CCNL1: variants seen among roughly 807,000 people sequenced by gnomAD.
CCNL1 encodes the protein cyclin L1.
Under a neutral mutation model 60.6 loss-of-function variants are expected in CCNL1, and 13 were observed. The ratio of observed to expected loss-of-function variants is 0.21; its 90% CI spans 0.14 to 0.34. The LOEUF is 0.34. Ranked by LOEUF, CCNL1 falls within the 10% of genes least tolerant of loss-of-function variation. The pLI, the probability that CCNL1 is intolerant of heterozygous loss-of-function variation, is 1.00. For missense variants in CCNL1, 481 were observed against 664.3 expected (o/e 0.72, Z 3.03); for synonymous variants, 270 against 244.3 (o/e 1.10, Z -0.98).
At chr3:157,146,441 T>G (rs1216879524), downstream of CCNL1, 1 of 416,428 alleles carries the variant, frequency 2.4e-6, no homozygotes, top group African/African-American at 2.1e-5. Context: ...CAACTCCCCA[T>G]CTTCACAAAC....
In CCNL1 at chr3:157,159,393, C is replaced by T. The variant is rs370606021; in HGVS notation, c.378+12G>A. ...TGAAGAAATCCCTTTTACCCGCCTCCGCTGTGCTTACCTCGAAACTGTGTT... is the reference window on the plus strand; with the variant it reads ...TGAAGAAATCCCTTTTACCCGCCTCTGCTGTGCTTACCTCGAAACTGTGTT... On this transcript the variant is annotated intron_variant, in intron 2 of 10. Transcript: ENST00000295926. 4.1e-5 allele frequency: 66 copies of T among 1,613,528 alleles called. No individual in the cohort carries two copies. The African/African-American group carries it at 7.2e-4, about 18-fold the overall frequency.
rs1440029244 is a variant in CCNL1 at position 157,147,815 on chromosome 3, G to A, written c.*426C>T. On this transcript the variant is annotated 3_prime_UTR_variant, in exon 11 of 11. Transcript: ENST00000295926. ...AAGCAGTTTAGAAAAAACAAGATTT[G>A]TATTTTATTTCCTTGTAAAAATCTT... The A allele has an allele frequency of 1.0e-6, 1 of 985,454 alleles. No individual in the cohort carries two copies. The highest frequency in any genetic ancestry group is 1.2e-6 in the Non-Finnish European group (1 of 829,470). 61.0% of individuals were successfully genotyped at this position (985,454 alleles called of 1,614,324 possible). A position where few individuals can be genotyped will look rare whatever the true frequency, so the allele number is the denominator to read the frequency against.
At chr3:157,151,509 ATAAATTAAGCCAG>A (rs1258210008) in intron 5 of CCNL1, 2 of 985,804 alleles carry the variant, frequency 2.0e-6, no homozygotes, top group African/African-American at 3.5e-5. Flanking sequence ...AAGCAGTTAT[ATAAATTAAGCCAG>A]TGTGGGAACT....
intron 1 of CCNL1, 53 bp from the exon 2 acceptor site, chr3:157,159,532 G>GGCGCCGCCGCCATTTT (rs1738903221): frequency 2.0e-6 from 3 of 1,513,710 alleles, no homozygotes; most frequent in Non-Finnish European, 9.1e-7. Context: ...GCCCGCTCCA[G>GGCGCCGCCGCCATTTT]GCGCCGCCGC....
chr3:157,151,304 C>A (rs1235319823), intron 5 of CCNL1: 1 of 985,694 alleles, frequency 1.0e-6, no homozygotes, highest in Non-Finnish European at 1.2e-6. Flanking sequence ...TCCTTCACAT[C>A]AATAGTCTTA....
chr3:157,147,211 C>T (rs1016219646), downstream of CCNL1, among the ~76,000 whole-genome samples: 4 of 152,118 alleles, frequency 2.6e-5, no homozygotes, highest in South Asian at 4.2e-4. Context: ...AATTATAAAG[C>T]GATGCAACAT....
Position 157,158,883 on chromosome 3 carries a change from G to A in CCNL1, c.471C>T (p.Arg157=). 6.2e-7 allele frequency: 1 copy of A among 1,610,476 alleles called. No homozygotes were observed. Among genetic ancestry groups the A allele is most frequent in the Non-Finnish European group, 8.5e-7 (1 of 1,177,316 alleles). The change falls in exon 3 of 11, where the codon CGC becomes CGT. Residue 157 remains arginine, a synonymous_variant. Transcript: ENST00000295926. The part of the protein sequence containing the change: ...RDVINVFHHL[R]QLRGKRTPSP... ...AATCTTACCTTTTTCCTCTTAACTG[G>A]CGGAGGTGGTGGAATACATTAATCA...
At position 157,149,830 on chromosome 3, in the gene CCNL1, T is replaced by A. The variant is rs2108113485; in HGVS notation, c.1021+6A>T. The A allele has an allele frequency of 1.2e-6, 2 of 1,612,332 alleles. No individual in the cohort carries two copies. The highest frequency in any genetic ancestry group is 1.7e-4 in the Middle Eastern group (1 of 6,042). The stretch of plus-strand genomic sequence containing the variant: ...CCAAGTCATTTTAATTCTAAATACA[T>A]CTTACATGGCTTGGAGGCTGGAGAA... On this transcript the variant is annotated splice_donor_region_variant and intron_variant, in intron 8 of 10. Coordinates refer to ENST00000295926, the MANE Select transcript of CCNL1 (RefSeq NM_020307.4).
chr3:157,149,661 T>G, intron 8 of CCNL1, 65 bp from the exon 9 acceptor site: 1 of 1,514,596 alleles, frequency 6.6e-7, no homozygotes, highest in Non-Finnish European at 9.0e-7. Context: ...AAGTTGTTTC[T>G]AAATGTAACT....
intron 4 of CCNL1, chr3:157,152,753 C>T (rs549547471): frequency 8.5e-7 from 1 of 1,177,060 alleles, no homozygotes; most frequent in Admixed American, 4.5e-5. Context: ...CTTTACATCT[C>T]TGTTTTCTAG....
rs1326894234 is a variant in CCNL1, at chr3:157,148,196, G to A, written c.*45C>T. On this transcript the variant is annotated 3_prime_UTR_variant, in exon 11 of 11. Coordinates refer to ENST00000295926, the MANE Select transcript of CCNL1 (RefSeq NM_020307.4). ...GATTGAGTCCATACATCACACTGTA[G>A]ATAGGCAAAACCAAGAACTGATGCA... 1 of 1,579,990 alleles carries A rather than the reference G, an allele frequency of 6.3e-7. No homozygotes were observed. Among genetic ancestry groups the A allele is most frequent in the South Asian group, 1.2e-5 (1 of 85,370 alleles).
At chr3:157,144,779 T>A (rs1280431541), downstream of CCNL1, among the ~76,000 whole-genome samples, 1 of 152,240 alleles carries the variant, frequency 6.6e-6, no homozygotes, top group Non-Finnish European at 1.5e-5. Flanking sequence ...AACTTCATTT[T>A]AAAAAATCTG....
chr3:157,159,237 C>A (rs777726514), intron 2 of CCNL1, 168 bp downstream of exon 2: 6 of 673,670 alleles, frequency 8.9e-6, no homozygotes, highest in Non-Finnish European at 1.5e-5. Flanking sequence ...GGCTCGTGAT[C>A]GATTTTGAAC....
At chr3:157,157,159 A>G in intron 3 of CCNL1, 1 of 1,213,962 alleles carries the variant, frequency 8.2e-7, no homozygotes, top group South Asian at 1.3e-5. Flanking sequence ...GTAAACTTGT[A>G]ATATGCATAG....
At chr3:157,145,626 A>G (rs1453886304), downstream of CCNL1, among the ~76,000 whole-genome samples, 1 of 152,166 alleles carries the variant, frequency 6.6e-6, no homozygotes, top group Admixed American at 6.5e-5. Context: ...ACCAATGGAT[A>G]AGAACTGAGA....
At chr3:157,150,483 T>C in intron 5 of CCNL1, 102 bp from the exon 6 acceptor site, 1 of 1,473,802 alleles carries the variant, frequency 6.8e-7, no homozygotes, top group Non-Finnish European at 9.0e-7. Context: ...TTTTCTTCTC[T>C]TATTTATATT....
chr3:157,145,466 C>CAAAAAAAAAAAAAAAAAAAAAAAAAAAA (rs1737755942), downstream of CCNL1, among the ~76,000 whole-genome samples: 6 of 88,974 alleles, frequency 6.7e-5, 1 homozygote, highest in African/African-American at 2.3e-4. Context: ...AAAAAAAAAC[C>CAAAAAAAAAAAAAAAAAAAAAAAAAAAA]AAAACGGGAT....
intron 5 of CCNL1, chr3:157,151,275 TAAAA>T (rs1738169611): frequency 1.0e-6 from 1 of 985,578 alleles, no homozygotes; most frequent in Non-Finnish European, 1.2e-6. Flanking sequence ...GCCCAGAATA[TAAAA>T]ATTACTTCAC....
At chr3:157,153,909 A>T (rs1560199193) in intron 3 of CCNL1, 1 of 152,208 alleles carries the variant, frequency 6.6e-6, no homozygotes, top group Non-Finnish European at 1.5e-5. Context: ...AATCGTATTT[A>T]AAACTCCACG....
Sources: allele counts gnomAD v4.1 joint callset (sites outside exome capture counted in the v4.1 genomes callset), GRCh38; gene constraint gnomAD v4.1.1; transcripts MANE v1.5; gene names NCBI Gene and HGNC (gene_info 2026-07-23, HGNC 2026-07-21).